The following ZNF385B variants were observed in gnomAD, a reference collection of about 807,000 sequenced individuals.
ZNF385B encodes the protein zinc finger protein 533.
A neutral mutation model predicts 39.2 loss-of-function variants in ZNF385B; 23 were observed. The observed-to-expected ratio is 0.59, with a 90% CI of 0.42 to 0.83. ZNF385B has a LOEUF of 0.83. ZNF385B is among the 40% of genes least tolerant of loss of function. The pLI is 0.00. For synonymous variants in ZNF385B, 205 were observed against 222.6 expected (o/e 0.92, Z 0.70); for missense variants, 552 against 598.9 (o/e 0.92, Z 0.82).
intron 3 of ZNF385B, among the ~76,000 whole-genome samples, chr2:179,750,299 A>G (rs1485749794): frequency 1.3e-5 from 2 of 152,242 alleles, no homozygotes; most frequent in East Asian, 1.9e-4. Context: ...AATAAACCCT[A>G]CAATATCAGT....
At chr2:179,670,702 G>C (rs1695868208) in intron 3 of ZNF385B, among the ~76,000 whole-genome samples, 1 of 152,168 alleles carries the variant, frequency 6.6e-6, no homozygotes, top group African/African-American at 2.4e-5. Flanking sequence ...TCTTGGAGAA[G>C]GACAATATTT....
chr2:179,730,252 T>G (rs2106426227), intron 3 of ZNF385B, among the ~76,000 whole-genome samples: 1 of 152,330 alleles, frequency 6.6e-6, no homozygotes, highest in East Asian at 1.9e-4. Context: ...AAGTGTCTAA[T>G]TTCAATGACA....
At chr2:179,597,868 T>C (rs1205365989) in intron 3 of ZNF385B, among the ~76,000 whole-genome samples, 1 of 152,136 alleles carries the variant, frequency 6.6e-6, no homozygotes, top group Non-Finnish European at 1.5e-5. Flanking sequence ...AAATTAACCA[T>C]ATGAAAAACT....
intron 3 of ZNF385B, among the ~76,000 whole-genome samples, chr2:179,618,964 G>A (rs1689984910): frequency 1.3e-5 from 2 of 152,144 alleles, no homozygotes; most frequent in African/African-American, 4.8e-5. Flanking sequence ...TTTTGCTTCA[G>A]TGTTCAGCGA....
At chr2:179,716,957 G>A (rs1043950599) in intron 3 of ZNF385B, among the ~76,000 whole-genome samples, 2 of 152,134 alleles carry the variant, frequency 1.3e-5, no homozygotes, top group Non-Finnish European at 2.9e-5. Flanking sequence ...CAGCCTCTGA[G>A]TCTGAACTGC....
In ZNF385B at chr2:179,835,312, A is replaced by G. The variant is rs115662854; in HGVS notation, c.-155+25789T>C. 4.0e-3 allele frequency among the ~76,000 whole-genome samples: 609 copies of G among 152,326 alleles called. 1 individual carries two copies. Among genetic ancestry groups the G allele is most frequent in the African/African-American group, 0.014 (591 of 41,570 alleles). Reference sequence around the variant, plus strand: ...TTGAACCTAGTGAAGGGTTTACGCAACTTTTCCATCTATTTGTAACTTTTC... The same window carrying G: ...TTGAACCTAGTGAAGGGTTTACGCAGCTTTTCCATCTATTTGTAACTTTTC... On this transcript the variant is annotated intron_variant, in intron 1 of 9. Transcript: ENST00000410066.
At chr2:179,527,854 A>T (rs1335655909) in intron 4 of ZNF385B, among the ~76,000 whole-genome samples, 1 of 152,200 alleles carries the variant, frequency 6.6e-6, no homozygotes, top group Non-Finnish European at 1.5e-5. Context: ...GCTTTCAAAT[A>T]TCCAACATTC....
chr2:179,687,987 C>T (rs1698054034), intron 3 of ZNF385B, among the ~76,000 whole-genome samples: 1 of 152,188 alleles, frequency 6.6e-6, no homozygotes, highest in Admixed American at 6.5e-5. Flanking sequence ...ATAGTACCAT[C>T]TACCCCATAG....
intron 5 of ZNF385B, among the ~76,000 whole-genome samples, chr2:179,502,300 G>A (rs961674101): frequency 2.0e-5 from 3 of 152,186 alleles, no homozygotes; most frequent in Non-Finnish European, 2.9e-5. Context: ...GCATGATTGT[G>A]CTTTGAAATG....
chr2:179,664,327 T>G (rs1250838454), intron 3 of ZNF385B, among the ~76,000 whole-genome samples: 4 of 152,204 alleles, frequency 2.6e-5, no homozygotes. Context: ...TAGGCTTCAC[T>G]TAAGACCATC....
intron 3 of ZNF385B, among the ~76,000 whole-genome samples, chr2:179,612,084 A>G (rs1321286904): frequency 6.6e-6 from 1 of 151,992 alleles, no homozygotes; most frequent in African/African-American, 2.4e-5. Context: ...ATTTTAATTT[A>G]TTTGTTAAAT....
At chr2:179,747,806 T>C (rs1482419009) in intron 3 of ZNF385B, among the ~76,000 whole-genome samples, 1 of 152,142 alleles carries the variant, frequency 6.6e-6, no homozygotes, top group African/African-American at 2.4e-5. Flanking sequence ...CAGTGGCAGA[T>C]GTTATATAAT....
At chr2:179,549,379 T>G (rs918789434) in intron 3 of ZNF385B, among the ~76,000 whole-genome samples, 1 of 149,674 alleles carries the variant, frequency 6.7e-6, no homozygotes, top group Non-Finnish European at 1.5e-5. Context: ...ACTAAATGGC[T>G]TAATATTTTG....
intron 3 of ZNF385B, among the ~76,000 whole-genome samples, chr2:179,752,799 T>C (rs1008464747): frequency 6.6e-6 from 1 of 152,084 alleles, no homozygotes; most frequent in Admixed American, 6.5e-5. Context: ...TTCTTGTAAA[T>C]TTGTTGGGAG....
At chr2:179,839,543 T>C (rs1308854673) in intron 1 of ZNF385B, among the ~76,000 whole-genome samples, 1 of 152,256 alleles carries the variant, frequency 6.6e-6, no homozygotes, top group Non-Finnish European at 1.5e-5. Flanking sequence ...TTCTTCATCA[T>C]TTAAATCTTT....
In ZNF385B at chr2:179,460,129, A is replaced by G. The variant is rs535746600; in HGVS notation, c.716-13359T>C. 5.3e-5 allele frequency among the ~76,000 whole-genome samples: 8 copies of G among 152,140 alleles called. No individual in the cohort carries two copies. In the East Asian group the frequency reaches 9.7e-4, roughly 18 times the overall value. ...AAAAAGAAAAGAAAAGAAAAGAAAA[A>G]AAAATATATAATGTCTCATAGTAGT... On this transcript the variant is annotated intron_variant, in intron 6 of 9. Coordinates refer to ENST00000410066, the MANE Select transcript of ZNF385B (RefSeq NM_152520.6).
intron 3 of ZNF385B, among the ~76,000 whole-genome samples, chr2:179,622,654 T>C (rs376470472): frequency 6.6e-6 from 1 of 152,206 alleles, no homozygotes; most frequent in Non-Finnish European, 1.5e-5. Context: ...GCCACACATA[T>C]AAGAATAAAA....
intron 3 of ZNF385B, among the ~76,000 whole-genome samples, chr2:179,610,784 G>A (rs1214916581): frequency 6.6e-6 from 1 of 151,732 alleles, no homozygotes; most frequent in Admixed American, 6.6e-5. Context: ...TTAATTCCTA[G>A]GTATTTAATT....
intron 3 of ZNF385B, among the ~76,000 whole-genome samples, chr2:179,603,780 T>C (rs978219668): frequency 3.3e-5 from 5 of 152,180 alleles, no homozygotes; most frequent in Non-Finnish European, 7.3e-5. Context: ...TACTTTATCT[T>C]AGGCCAGTAA....
Sources: allele counts gnomAD v4.1 joint callset (sites outside exome capture counted in the v4.1 genomes callset), GRCh38; gene constraint gnomAD v4.1.1; transcripts MANE v1.5; gene names NCBI Gene and HGNC (gene_info 2026-07-23, HGNC 2026-07-21).